The following PTBP2 variants were observed in gnomAD, a reference collection of about 807,000 sequenced individuals.
The protein encoded by PTBP2 is polypyrimidine tract-binding protein 2.
Under a neutral mutation model 61.4 loss-of-function variants are expected in PTBP2, and 13 were observed. That is an observed-to-expected ratio of 0.21 (90% CI 0.14 to 0.34). The LOEUF is 0.34. PTBP2 is among the 10% of genes least tolerant of loss of function. The pLI is 1.00. For synonymous variants in PTBP2, 215 were observed against 218.5 expected, an observed-to-expected ratio of 0.98 and a Z score of 0.14; for missense variants, 405 against 642.6, an observed-to-expected ratio of 0.63 and a Z score of 4.00.
At chr1:96,763,178 C>T (rs1473126870) in intron 3 of PTBP2, among the ~76,000 whole-genome samples, 4 of 152,104 alleles carry the variant, frequency 2.6e-5, no homozygotes, top group Admixed American at 1.3e-4. Flanking sequence ...AACGGGGTGG[C>T]GGCTGGGCAG....
At chr1:96,804,766 T>C (rs749738666) in intron 8 of PTBP2, 34 bp from the exon 9 acceptor site, 32 of 1,576,950 alleles carry the variant, frequency 2.0e-5, no homozygotes, top group Non-Finnish European at 2.8e-5. Context: ...TCGTAAAATA[T>C]GCTTTATTTT....
intron 3 of PTBP2, among the ~76,000 whole-genome samples, chr1:96,754,539 A>G (rs1330079513): frequency 2.0e-5 from 3 of 152,210 alleles, no homozygotes; most frequent in Non-Finnish European, 2.9e-5. Flanking sequence ...TCATTTAAAA[A>G]GATAAAAAGA....
At chr1:96,792,837 T>G (rs1479431168) in intron 8 of PTBP2, among the ~76,000 whole-genome samples, 1 of 152,192 alleles carries the variant, frequency 6.6e-6, no homozygotes, top group Non-Finnish European at 1.5e-5. Context: ...TATATTTTAT[T>G]AAGACTAATT....
At chr1:96,803,104 T>C (rs1032478170) in intron 8 of PTBP2, among the ~76,000 whole-genome samples, 1 of 152,150 alleles carries the variant, frequency 6.6e-6, no homozygotes, top group Non-Finnish European at 1.5e-5. Context: ...GTATTTAACA[T>C]GGAAAAGTTA....
chr1:96,763,589 C>G (rs796836453), intron 3 of PTBP2, among the ~76,000 whole-genome samples: 4 of 26,696 alleles, frequency 1.5e-4, no homozygotes, highest in East Asian at 1.1e-3. Flanking sequence ...AGAGGGAGAC[C>G]GTGGGGAGAG....
chr1:96,821,835 C>G (rs888942930), exon 14 of PTBP2: 1 of 152,068 alleles, frequency 6.6e-6, no homozygotes, highest in Non-Finnish European at 1.5e-5. Flanking sequence ...TACCATGTGA[C>G]CAGGCTGGTT....
At chr1:96,806,674 A>C (rs1189309056) in intron 10 of PTBP2, 192 bp from the exon 11 acceptor site, 2 of 655,348 alleles carry the variant, frequency 3.1e-6, no homozygotes, top group Non-Finnish European at 5.1e-6. Context: ...TTGAGGGTTT[A>C]TCAAAAATTA....
chr1:96,756,487 C>T (rs1359032904), intron 3 of PTBP2, among the ~76,000 whole-genome samples: 1 of 152,200 alleles, frequency 6.6e-6, no homozygotes, highest in Non-Finnish European at 1.5e-5. Context: ...CAGAAAGTAG[C>T]ACATGGATGT....
At chr1:96,726,711 A>G (rs12239746) in intron 2 of PTBP2, among the ~76,000 whole-genome samples, 2 of 152,170 alleles carry the variant, frequency 1.3e-5, no homozygotes, top group Non-Finnish European at 2.9e-5. Flanking sequence ...TGCTGGGATT[A>G]CAAGCGTGAG....
intron 2 of PTBP2, among the ~76,000 whole-genome samples, chr1:96,746,146 T>G (rs989523523): frequency 6.6e-6 from 1 of 152,168 alleles, no homozygotes; most frequent in Admixed American, 6.5e-5. Flanking sequence ...TTGTACTTGT[T>G]TCCTGGTGCA....
chr1:96,819,267 A>T (rs1281700008), downstream of PTBP2: 2 of 152,000 alleles, frequency 1.3e-5, no homozygotes, highest in Non-Finnish European at 2.9e-5. Flanking sequence ...TTACTGAATG[A>T]TGACTGATAT....
chr1:96,752,136 G>A (rs1162032704), intron 3 of PTBP2, among the ~76,000 whole-genome samples: 1 of 151,752 alleles, frequency 6.6e-6, no homozygotes, highest in African/African-American at 2.4e-5. Flanking sequence ...TTAGTTTTAT[G>A]GCTGATGGGC....
chr1:96,784,910 C>A, intron 7 of PTBP2, 149 bp from the exon 8 acceptor site: 1 of 605,854 alleles, frequency 1.7e-6, no homozygotes. Flanking sequence ...ACAGCTGGAA[C>A]AGCAAAATTT....
chr1:96,739,774 C>T (rs1009673331), intron 2 of PTBP2, among the ~76,000 whole-genome samples: 11 of 151,132 alleles, frequency 7.3e-5, no homozygotes, highest in African/African-American at 2.2e-4. Flanking sequence ...CCACCACGCC[C>T]GGCTAATTTT....
At chr1:96,799,685 T>G (rs1431699458) in intron 8 of PTBP2, among the ~76,000 whole-genome samples, 2 of 152,192 alleles carry the variant, frequency 1.3e-5, no homozygotes, top group Non-Finnish European at 1.5e-5. Flanking sequence ...GTATACAATA[T>G]GTGTAATATG....
chr1:96,792,456 C>T (rs1050525586), intron 8 of PTBP2, among the ~76,000 whole-genome samples: 3 of 152,110 alleles, frequency 2.0e-5, no homozygotes, highest in East Asian at 1.9e-4. Context: ...TTCCAAAGTC[C>T]GTACTCCTGA....
downstream of PTBP2, chr1:96,817,934 C>G (rs1662543742): frequency 6.6e-6 from 1 of 151,836 alleles, no homozygotes; most frequent in Non-Finnish European, 1.5e-5. Flanking sequence ...TTGATAATTC[C>G]CCTATCAAAT....
intron 2 of PTBP2, among the ~76,000 whole-genome samples, chr1:96,748,676 G>A (rs1286512004): frequency 6.6e-6 from 1 of 152,112 alleles, no homozygotes; most frequent in Non-Finnish European, 1.5e-5. Context: ...TAAAGAGCAT[G>A]TATTCTTTAG....
At chr1:96,819,323 C>G (rs1490473866), downstream of PTBP2, 1 of 151,940 alleles carries the variant, frequency 6.6e-6, no homozygotes, top group Non-Finnish European at 1.5e-5. Flanking sequence ...ATTACCTGTG[C>G]AAAGTATGCC....
Sources: allele counts gnomAD v4.1 joint callset (sites outside exome capture counted in the v4.1 genomes callset), GRCh38; gene constraint gnomAD v4.1.1; transcripts MANE v1.5; gene names NCBI Gene and HGNC (gene_info 2026-07-23, HGNC 2026-07-21).